AR: variants seen among roughly 807,000 people sequenced by gnomAD.
AR encodes the protein dihydrotestosterone receptor.
A neutral mutation model predicts 53.9 loss-of-function variants in AR; 8 were observed. The observed-to-expected ratio is 0.15, with a 90% CI of 0.09 to 0.27. AR has a LOEUF of 0.27. AR is among the 10% of genes least tolerant of loss of function. The pLI, the probability that AR is intolerant of heterozygous loss-of-function variation, is 1.00. For missense variants in AR, 639 were observed against 742.5 expected (o/e 0.86, Z 1.62); for synonymous variants, 359 against 316.4 (o/e 1.13, Z -1.43).
At chrX:67,583,035 A>G (rs1223131784) in intron 1 of AR, among the ~76,000 whole-genome samples, 5 of 111,862 alleles carry the variant, frequency 4.5e-5, no homozygotes, top group African/African-American at 1.6e-4. Context: ...CCATACATGA[A>G]AGGAAAGTGG....
At chrX:67,634,853 A>T (rs1382626545) in intron 1 of AR, among the ~76,000 whole-genome samples, 1 of 111,966 alleles carries the variant, frequency 8.9e-6, no homozygotes, top group East Asian at 2.8e-4. Flanking sequence ...CAATGTGATT[A>T]ATAAAATATA....
chrX:67,633,404 T>C (rs1184519907), intron 1 of AR, among the ~76,000 whole-genome samples: 2 of 112,054 alleles, frequency 1.8e-5, no homozygotes, highest in Non-Finnish European at 3.8e-5. Context: ...TTTCTGTTCC[T>C]GCTTTAGTTT....
chrX:67,669,202 GC>G (rs1373172942), intron 2 of AR, among the ~76,000 whole-genome samples: 55 of 110,859 alleles, frequency 5.0e-4, no homozygotes, highest in African/African-American at 1.7e-3. Context: ...CCATAATATT[GC>G]TTTTGCTGTA....
rs141672268 is a variant in AR, at chrX:67,546,625, G to A, written c.1479G>A (p.Gln493=). The A allele has an allele frequency of 3.8e-4, 448 of 1,192,155 alleles. No homozygotes were observed. Among genetic ancestry groups the A allele is most frequent in the Non-Finnish European group, 4.6e-4 (407 of 886,609 alleles). ...GGCCCCCTCAGGGGCTGGCGGGCCA[G>A]GAAAGCGACTTCACCGCACCTGATG... ...YTRPPQGLAG[Q]ESDFTAPDVW... The change falls in exon 1 of 8, where the codon CAG becomes CAA. Residue 493 remains glutamine, a synonymous_variant. Transcript: ENST00000374690.
At chrX:67,546,822 T>TG in intron 1 of AR, 60 bp downstream of exon 1, 1 of 1,134,187 alleles carries the variant, frequency 8.8e-7, no homozygotes, top group East Asian at 3.2e-5. Context: ...CTCTGTGTTC[T>TG]GGGGTATCTA....
At chrX:67,691,260 G>A (rs1400439574) in intron 3 of AR, among the ~76,000 whole-genome samples, 1 of 112,184 alleles carries the variant, frequency 8.9e-6, no homozygotes, top group Non-Finnish European at 1.9e-5. Context: ...TACTGGTTTA[G>A]ACCAAGGCAA....
intron 1 of AR, among the ~76,000 whole-genome samples, chrX:67,551,012 T>TG (rs1264977549): frequency 1.9e-5 from 2 of 103,870 alleles, no homozygotes; most frequent in African/African-American, 7.3e-5. Flanking sequence ...TTTTTTTTTT[T>TG]TTTTTTTTTT....
intron 3 of AR, among the ~76,000 whole-genome samples, chrX:67,709,561 G>C (rs1174329096): frequency 8.9e-6 from 1 of 112,342 alleles, no homozygotes; most frequent in Admixed American, 9.4e-5. Flanking sequence ...GGCTAGGAAA[G>C]GGAATTTCCT....
At chrX:67,622,349 C>A (rs982833568) in intron 1 of AR, among the ~76,000 whole-genome samples, 4 of 111,311 alleles carry the variant, frequency 3.6e-5, no homozygotes, top group African/African-American at 9.8e-5. Flanking sequence ...CAGAAGACAG[C>A]AGATGTGGCT....
intron 1 of AR, among the ~76,000 whole-genome samples, chrX:67,582,971 C>A (rs1478912707): frequency 2.7e-5 from 3 of 111,810 alleles, no homozygotes; most frequent in Non-Finnish European, 5.6e-5. Flanking sequence ...GAGAACTTTT[C>A]TTTCCCAAGG....
At position 67,666,944 on chromosome X, in the gene AR, T is replaced by G. The variant is rs751716281; in HGVS notation, c.1769-19066T>G. Among the ~76,000 whole-genome samples, 9 of 111,469 alleles carry G rather than the reference T, an allele frequency of 8.1e-5. No homozygotes were observed. In the East Asian group the frequency reaches 1.7e-3, roughly 21 times the overall value. Reference sequence around the variant, plus strand: ...TTTTCCTACAGAGTGCTTGAGCTCTTTATATGCCCTAGTTACTAGTCCCTG... The same window carrying G: ...TTTTCCTACAGAGTGCTTGAGCTCTGTATATGCCCTAGTTACTAGTCCCTG... On this transcript the variant is annotated intron_variant, in intron 2 of 7. Transcript: ENST00000374690.
At chrX:67,606,113 G>A (rs1281808999) in intron 1 of AR, among the ~76,000 whole-genome samples, 2 of 110,785 alleles carry the variant, frequency 1.8e-5, no homozygotes, top group Admixed American at 1.9e-4. Flanking sequence ...GATTGATTCT[G>A]AGGGAAAAGA....
intron 1 of AR, among the ~76,000 whole-genome samples, chrX:67,637,263 G>T (rs1215833719): frequency 1.9e-5 from 2 of 105,587 alleles, no homozygotes; most frequent in African/African-American, 6.9e-5. Context: ...TGCCATGTTG[G>T]TGTGCTGCAC....
At chrX:67,645,594 A>G (rs1244793923) in intron 2 of AR, among the ~76,000 whole-genome samples, 1 of 111,503 alleles carries the variant, frequency 9.0e-6, no homozygotes, top group African/African-American at 3.3e-5. Flanking sequence ...GCCTGCTTGA[A>G]ATATGAAAAA....
At position 67,586,067 on chromosome X, in the gene AR, G is replaced by A. The variant is rs372274108; in HGVS notation, c.1616+39305G>A. Among the ~76,000 whole-genome samples the A allele has an allele frequency of 9.0e-5, 10 of 111,653 alleles. No homozygotes were observed. In the South Asian group the frequency reaches 3.8e-3, roughly 42 times the overall value. On this transcript the variant is annotated intron_variant, in intron 1 of 7. Transcript: ENST00000374690. ...TGTTTTTTAAGAGAAGACCCTTGAA[G>A]GACAGAGAGAGCCTGAATCATTCAA... is the stretch of plus-strand genomic sequence containing the variant.
At chrX:67,648,614 A>T (rs1372992121) in intron 2 of AR, among the ~76,000 whole-genome samples, 1 of 112,078 alleles carries the variant, frequency 8.9e-6, no homozygotes, top group Admixed American at 9.5e-5. Flanking sequence ...AACTCATTGA[A>T]GTTGGTGCCC....
At chrX:67,618,762 C>G (rs925426392) in intron 1 of AR, among the ~76,000 whole-genome samples, 8 of 110,518 alleles carry the variant, frequency 7.2e-5, no homozygotes, top group African/African-American at 2.6e-4. Context: ...GATGATGTGG[C>G]AAAGGAGACA....
At chrX:67,705,770 T>C (rs1364173674) in intron 3 of AR, among the ~76,000 whole-genome samples, 2 of 111,676 alleles carry the variant, frequency 1.8e-5, no homozygotes, top group Non-Finnish European at 3.8e-5. Context: ...CAGTATGATA[T>C]TGGCTGTGGG....
In AR at chrX:67,582,023, G is replaced by A. The variant is rs775065207; in HGVS notation, c.1616+35261G>A. 6.3e-5 allele frequency among the ~76,000 whole-genome samples: 7 copies of A among 111,472 alleles called. No individual in the cohort carries two copies. The South Asian group carries it at 2.2e-3, about 36-fold the overall frequency. The stretch of plus-strand genomic sequence containing the variant: ...ATCTCATTTGTTTGAAAGATCATCT[G>A]CCCAACATAAAAATGCATTTCTAAT... On this transcript the variant is annotated intron_variant, in intron 1 of 7. Coordinates refer to ENST00000374690, the MANE Select transcript of AR (RefSeq NM_000044.6).
Sources: allele counts gnomAD v4.1 joint callset (sites outside exome capture counted in the v4.1 genomes callset), GRCh38; gene constraint gnomAD v4.1.1; transcripts MANE v1.5; gene names NCBI Gene and HGNC (gene_info 2026-07-23, HGNC 2026-07-21).